Variants in SPAG16 observed in about 807,000 individuals in gnomAD.
SPAG16 encodes the protein sperm-associated antigen 16 protein.
Under a neutral mutation model 80.4 loss-of-function variants are expected in SPAG16, and 86 were observed. The observed-to-expected ratio is 1.07, with a 90% confidence interval of 0.90 to 1.28. The LOEUF (loss-of-function observed/expected upper bound fraction) is 1.28. SPAG16 is among the 50% of genes most tolerant of loss of function. The pLI, the probability that SPAG16 is intolerant of heterozygous loss-of-function variation, is 0.00. For synonymous variants in SPAG16, 294 were observed against 265.9 expected (o/e 1.11, Z -1.03); for missense variants, 870 against 765.3 (o/e 1.14, Z -1.61).
chr2:213,756,696 G>A (rs540533365), intron 10 of SPAG16, among the ~76,000 whole-genome samples: 83 of 152,174 alleles, frequency 5.5e-4, no homozygotes, highest in African/African-American at 2.0e-3. Flanking sequence ...ATGTATACCA[G>A]GCCAATTAAA....
chr2:213,660,198 A>C (rs999929073), intron 10 of SPAG16, among the ~76,000 whole-genome samples: 58 of 152,226 alleles, frequency 3.8e-4, no homozygotes, highest in Non-Finnish European at 1.2e-4. Context: ...GTTATTGAAG[A>C]ATACAGAATA....
chr2:213,856,642 G>A (rs962855764), intron 10 of SPAG16, among the ~76,000 whole-genome samples: 1 of 152,032 alleles, frequency 6.6e-6, no homozygotes, highest in Non-Finnish European at 1.5e-5. Flanking sequence ...TCCCCCACAG[G>A]CCCAACACAT....
At chr2:214,164,856 T>C (rs923773206) in intron 15 of SPAG16, among the ~76,000 whole-genome samples, 15 of 152,080 alleles carry the variant, frequency 9.9e-5, no homozygotes, top group African/African-American at 3.6e-4. Flanking sequence ...CAGTATAAAA[T>C]GGTGTAGAAA....
intron 10 of SPAG16, among the ~76,000 whole-genome samples, chr2:213,757,173 G>A (rs1333477682): frequency 6.6e-6 from 1 of 152,034 alleles, no homozygotes. Context: ...GGAGACTAAA[G>A]ACTTGTTCTC....
rs2068875523 is a variant in SPAG16, at chr2:213,410,096, A to AATCATCACACCCGAGTCAAG, written c.942+34979_942+34998dup. Among the ~76,000 whole-genome samples the AATCATCACACCCGAGTCAAG allele has an allele frequency of 1.3e-4, 20 of 152,104 alleles. 1 individual carries two copies. In the South Asian group the frequency reaches 4.2e-3, roughly 32 times the overall value. ...TGTTCGTACAGCAAAAAGGGGATGG[A>AATCATCACACCCGAGTCAAG]ATCATCACACCCGAGTCAAGAATGT... On this transcript the variant is annotated intron_variant, in intron 9 of 15. Coordinates refer to ENST00000331683, the MANE Select transcript of SPAG16 (RefSeq NM_024532.5).
intron 14 of SPAG16, among the ~76,000 whole-genome samples, chr2:214,122,280 G>A (rs1457262040): frequency 6.6e-6 from 1 of 151,694 alleles, no homozygotes; most frequent in Non-Finnish European, 1.5e-5. Flanking sequence ...TTCAGAGGGA[G>A]TATTTTGTTT....
chr2:214,184,004 C>T (rs1198978680), intron 15 of SPAG16, among the ~76,000 whole-genome samples: 1 of 152,018 alleles, frequency 6.6e-6, no homozygotes, highest in Non-Finnish European at 1.5e-5. Context: ...GTGGTCTTTA[C>T]TATACATGTA....
At chr2:213,922,751 T>C (rs779692857) in intron 11 of SPAG16, among the ~76,000 whole-genome samples, 63 of 152,276 alleles carry the variant, frequency 4.1e-4, no homozygotes, top group Admixed American at 2.0e-3. Flanking sequence ...TATGTTATAA[T>C]TGAGTTTGGT....
intron 10 of SPAG16, among the ~76,000 whole-genome samples, chr2:213,701,519 C>A (rs2065419541): frequency 1.3e-5 from 2 of 152,178 alleles, no homozygotes; most frequent in South Asian, 4.2e-4. Context: ...CTGGCCAAGG[C>A]CAGAGCCAGC....
intron 15 of SPAG16, among the ~76,000 whole-genome samples, chr2:214,313,610 T>C (rs1439917129): frequency 6.6e-6 from 1 of 152,160 alleles, no homozygotes; most frequent in Non-Finnish European, 1.5e-5. Context: ...TAATTCCTAC[T>C]AATTAACATT....
At chr2:213,338,928 A>G (rs1047323247) in intron 5 of SPAG16, among the ~76,000 whole-genome samples, 3 of 152,050 alleles carry the variant, frequency 2.0e-5, no homozygotes, top group African/African-American at 4.8e-5. Flanking sequence ...GCTGCGCTTA[A>G]TAGCTAGGTG....
intron 11 of SPAG16, among the ~76,000 whole-genome samples, chr2:213,907,413 A>C (rs573877963): frequency 6.6e-6 from 1 of 152,216 alleles, no homozygotes; most frequent in African/African-American, 2.4e-5. Flanking sequence ...AAGGAAATTT[A>C]TACATGATCA....
chr2:213,910,893 G>A (rs1355182052), intron 11 of SPAG16, among the ~76,000 whole-genome samples: 3 of 152,118 alleles, frequency 2.0e-5, no homozygotes, highest in African/African-American at 7.2e-5. Flanking sequence ...GATGGTAAAT[G>A]TAAATATTAA....
intron 12 of SPAG16, among the ~76,000 whole-genome samples, chr2:214,002,589 G>A (rs1215958893): frequency 6.6e-6 from 1 of 152,162 alleles, no homozygotes; most frequent in Non-Finnish European, 1.5e-5. Flanking sequence ...CTGTCTGCAA[G>A]CTGGAGGCAC....
chr2:214,244,702 A>G (rs1304147693), intron 15 of SPAG16, among the ~76,000 whole-genome samples: 2 of 152,136 alleles, frequency 1.3e-5, no homozygotes, highest in Non-Finnish European at 2.9e-5. Context: ...AAAGTGTATT[A>G]TGACTACTAA....
intron 12 of SPAG16, among the ~76,000 whole-genome samples, chr2:213,961,324 C>T (rs1575659090): frequency 2.0e-5 from 3 of 152,088 alleles, no homozygotes. Context: ...TTTCTACATA[C>T]AAGATCATGG....
chr2:213,313,961 A>G (rs2126126760), intron 4 of SPAG16, among the ~76,000 whole-genome samples: 1 of 152,002 alleles, frequency 6.6e-6, no homozygotes, highest in African/African-American at 2.4e-5. Flanking sequence ...ATTATAATCA[A>G]GATGACCTTT....
intron 10 of SPAG16, among the ~76,000 whole-genome samples, chr2:213,841,267 G>T (rs1022472730): frequency 6.6e-6 from 1 of 152,166 alleles, no homozygotes; most frequent in East Asian, 1.9e-4. Flanking sequence ...AAAGACTTAA[G>T]TTGGCAAGAT....
chr2:214,307,145 C>T (rs1488181139), intron 15 of SPAG16, among the ~76,000 whole-genome samples: 1 of 152,082 alleles, frequency 6.6e-6, no homozygotes, highest in Non-Finnish European at 1.5e-5. Flanking sequence ...TTATCCATTT[C>T]TTCTACATTT....
Sources: gnomAD v4.1 joint callset for allele counts (sites outside exome capture counted in the v4.1 genomes callset) on GRCh38, gnomAD v4.1.1 for gene constraint, MANE v1.5 for transcripts, NCBI Gene and HGNC (gene_info 2026-07-23, HGNC 2026-07-21) for gene names.